Variants in GRM8 observed in about 807,000 individuals in gnomAD.
The protein encoded by GRM8 is metabotropic glutamate receptor 8.
Under a neutral mutation model 87.2 loss-of-function variants are expected in GRM8, and 47 were observed. The ratio of observed to expected loss-of-function variants is 0.54; its 90% confidence interval spans 0.43 to 0.69. GRM8 has a LOEUF of 0.69. Ranked by LOEUF, GRM8 falls within the 30% of genes least tolerant of loss-of-function variation. GRM8 has a pLI of 0.00. For missense variants in GRM8, 1,019 were observed against 1,139.2 expected (o/e 0.89, Z 1.52); for synonymous variants, 396 against 404.5 (o/e 0.98, Z 0.25).
intron 2 of GRM8, among the ~76,000 whole-genome samples, chr7:127,158,368 G>A (rs1252573847): frequency 6.6e-6 from 1 of 152,078 alleles, no homozygotes; most frequent in Non-Finnish European, 1.5e-5. Context: ...TCTTGTCAGT[G>A]GAGACAGAAA....
At chr7:126,692,198 T>C (rs1808897387) in intron 7 of GRM8, among the ~76,000 whole-genome samples, 1 of 152,208 alleles carries the variant, frequency 6.6e-6, no homozygotes, top group Admixed American at 6.5e-5. Flanking sequence ...TAACGAACTT[T>C]CTCCATCCAA....
intron 9 of GRM8, among the ~76,000 whole-genome samples, chr7:126,485,833 C>G (rs768525276): frequency 3.2e-4 from 49 of 151,884 alleles, no homozygotes; most frequent in African/African-American, 1.1e-3. Flanking sequence ...CCTCATTATA[C>G]TCCCTCCTTT....
intron 7 of GRM8, among the ~76,000 whole-genome samples, chr7:126,757,265 T>C (rs933713706): frequency 3.3e-5 from 5 of 152,196 alleles, no homozygotes; most frequent in African/African-American, 1.2e-4. Flanking sequence ...TATCAAAAGT[T>C]AGGAGAGCGA....
chr7:127,059,621 C>A (rs1170174604), intron 3 of GRM8, among the ~76,000 whole-genome samples: 4 of 152,162 alleles, frequency 2.6e-5, no homozygotes, highest in African/African-American at 9.7e-5. Flanking sequence ...CAGGCATGAG[C>A]CACCGCGCCC....
At chr7:126,746,582 G>A (rs1441719860) in intron 7 of GRM8, among the ~76,000 whole-genome samples, 1 of 151,452 alleles carries the variant, frequency 6.6e-6, no homozygotes, top group Non-Finnish European at 1.5e-5. Context: ...TTACCTGTTT[G>A]ACTAGTCCCT....
At chr7:126,946,590 A>G (rs1182020538) in intron 3 of GRM8, among the ~76,000 whole-genome samples, 2 of 152,212 alleles carry the variant, frequency 1.3e-5, no homozygotes, top group Non-Finnish European at 2.9e-5. Context: ...AACCATGTTC[A>G]GGAGAGGCTA....
intron 7 of GRM8, among the ~76,000 whole-genome samples, chr7:126,621,512 A>G (rs1335323562): frequency 6.6e-6 from 1 of 152,034 alleles, no homozygotes; most frequent in Non-Finnish European, 1.5e-5. Context: ...TCCGCCTCCC[A>G]GGTTCAAGTG....
At chr7:126,555,591 G>C (rs892682401) in intron 8 of GRM8, among the ~76,000 whole-genome samples, 3 of 152,058 alleles carry the variant, frequency 2.0e-5, no homozygotes, top group Non-Finnish European at 1.5e-5. Context: ...GTTTATAATT[G>C]TTCTTATATC....
At chr7:126,805,465 T>C (rs765388253) in intron 6 of GRM8, among the ~76,000 whole-genome samples, 1 of 152,246 alleles carries the variant, frequency 6.6e-6, no homozygotes, top group African/African-American at 2.4e-5. Context: ...CCTCCACTTA[T>C]TCTGCTTTGA....
At chr7:126,849,073 C>A (rs932000830) in intron 6 of GRM8, among the ~76,000 whole-genome samples, 2 of 152,076 alleles carry the variant, frequency 1.3e-5, no homozygotes, top group East Asian at 1.9e-4. Context: ...AGCATAGGAA[C>A]AACCTGCCCC....
intron 7 of GRM8, among the ~76,000 whole-genome samples, chr7:126,716,913 G>T (rs2299495): frequency 0.17 from 26,205 of 151,984 alleles, 2,389 homozygotes; most frequent in African/African-American, 0.2. Flanking sequence ...CAGTAGGGAG[G>T]AATAATAAAC....
chr7:127,130,128 G>A (rs944674069), intron 2 of GRM8, among the ~76,000 whole-genome samples: 4 of 152,130 alleles, frequency 2.6e-5, no homozygotes, highest in African/African-American at 9.7e-5. Flanking sequence ...CCCAATCATA[G>A]AAGCATCATG....
rs28371948 is a variant in GRM8, at chr7:127,153,024, C to T, written c.511-46312G>A. Among the ~76,000 whole-genome samples, 489 of 152,202 alleles carry T rather than the reference C, an allele frequency of 3.2e-3. 4 individuals are homozygous for T. The highest frequency in any genetic ancestry group is 0.011 in the African/African-American group (454 of 41,548). On this transcript the variant is annotated intron_variant, in intron 2 of 10. Transcript: ENST00000339582. ...TTTAACACCCTCCCCATTTTCTCAA[C>T]GTGAATATCAGGGTACATTAGTCAC...
At chr7:127,190,970 C>T (rs1182297184) in intron 2 of GRM8, among the ~76,000 whole-genome samples, 1 of 152,042 alleles carries the variant, frequency 6.6e-6, no homozygotes, top group African/African-American at 2.4e-5. Context: ...TTATGTAAGT[C>T]TATGACAACA....
chr7:126,771,464 T>C (rs982135226), intron 6 of GRM8, among the ~76,000 whole-genome samples: 6 of 152,012 alleles, frequency 3.9e-5, no homozygotes, highest in Non-Finnish European at 2.9e-5. Flanking sequence ...TCTCAACTTT[T>C]CATTCTCCAA....
intron 3 of GRM8, among the ~76,000 whole-genome samples, chr7:126,987,906 G>A (rs1812274778): frequency 6.6e-6 from 1 of 152,130 alleles, no homozygotes; most frequent in African/African-American, 2.4e-5. Context: ...ATACCTATGG[G>A]AGTAGGTACT....
intron 9 of GRM8, chr7:126,512,201 T>C (rs1234969134): frequency 6.6e-6 from 1 of 152,048 alleles, no homozygotes; most frequent in Non-Finnish European, 1.5e-5. Context: ...CAGAGGAAGT[T>C]AGAGAATAAG....
intron 6 of GRM8, among the ~76,000 whole-genome samples, chr7:126,794,175 A>T (rs879917784): frequency 6.6e-5 from 10 of 152,118 alleles, no homozygotes; most frequent in East Asian, 1.9e-4. Flanking sequence ...TAAAATAAAA[A>T]AAAAAGCCCT....
At chr7:127,247,803 A>C (rs2116906685) in intron 1 of GRM8, among the ~76,000 whole-genome samples, 1 of 152,158 alleles carries the variant, frequency 6.6e-6, no homozygotes, top group East Asian at 1.9e-4. Flanking sequence ...ACTTAATAAT[A>C]AGGGAATATG....
Sources: allele counts gnomAD v4.1 joint callset (sites outside exome capture counted in the v4.1 genomes callset), GRCh38; gene constraint gnomAD v4.1.1; transcripts MANE v1.5; gene names NCBI Gene and HGNC (gene_info 2026-07-23, HGNC 2026-07-21).